The following SPG7 variants were observed in gnomAD, a reference collection of about 807,000 sequenced individuals.
SPG7 encodes the protein mitochondrial inner membrane m-AAA protease component paraplegin.
SPG7 carries 103 observed loss-of-function variants against 81.9 expected under a neutral mutation model. The ratio of observed to expected loss-of-function variants is 1.26; its 90% CI spans 1.07 to 1.48. The LOEUF (loss-of-function observed/expected upper bound fraction) is 1.48. SPG7 is among the 40% of genes most tolerant of loss of function. The probability of loss-of-function intolerance (pLI) is 0.00; values close to 1 mark genes in which losing one functional copy is unlikely to be tolerated. For synonymous variants in SPG7, 534 were observed against 444.2 expected (o/e 1.20, Z -2.54); for missense variants, 1,241 against 1,087.3 (o/e 1.14, Z -1.99).
intron 14 of SPG7, 101 bp from the exon 15 acceptor site, chr16:89,553,693 G>C: frequency 8.7e-7 from 1 of 1,155,612 alleles, no homozygotes; most frequent in Non-Finnish European, 1.3e-6. Flanking sequence ...GAAGGGGATG[G>C]AGGTGGTGCT....
At chr16:89,520,403 T>A (rs2058169561) in intron 3 of SPG7, 1 of 188,608 alleles carries the variant, frequency 5.3e-6, no homozygotes. Context: ...TTTGTTTGTT[T>A]GTTTGTTTTG....
chr16:89,556,814 G>A, intron 16 of SPG7, 73 bp from the exon 17 acceptor site: 1 of 1,250,378 alleles, frequency 8.0e-7, no homozygotes, highest in South Asian at 1.2e-5. Context: ...CACGCCTCTT[G>A]CCACCTCCCC....
intron 15 of SPG7, 98 bp from the exon 16 acceptor site, chr16:89,554,388 G>A: frequency 2.4e-6 from 2 of 819,358 alleles, no homozygotes; most frequent in South Asian, 1.4e-5. Context: ...TCCTGGGAGG[G>A]GAAAGGCCGT....
chr16:89,555,498 G>C (rs980758839), intron 16 of SPG7: 1 of 171,348 alleles, frequency 5.8e-6, no homozygotes, highest in Non-Finnish European at 1.2e-5. Context: ...AGCCCCCGCC[G>C]ACCCGCGGTG....
At chr16:89,542,273 CTG>C (rs1373745506) in intron 9 of SPG7, 1 of 152,266 alleles carries the variant, frequency 6.6e-6, no homozygotes, top group African/African-American at 2.4e-5. Flanking sequence ...CTCCACGACA[CTG>C]AGCAGTAAGC....
intron 2 of SPG7, among the ~76,000 whole-genome samples, chr16:89,511,166 CT>C (rs1459087437): frequency 6.6e-6 from 1 of 152,174 alleles, no homozygotes; most frequent in Non-Finnish European, 1.5e-5. Context: ...AAAAATTCTG[CT>C]GTATTCCAGT....
chr16:89,510,693 C>T (rs2058008288), intron 2 of SPG7, 101 bp downstream of exon 2: 2 of 765,828 alleles, frequency 2.6e-6, no homozygotes, highest in Non-Finnish European at 2.3e-6. Context: ...GGGATCTCGC[C>T]CTGTTGCACG....
At chr16:89,552,917 C>T in intron 13 of SPG7, 62 bp from the exon 14 acceptor site, 1 of 1,550,066 alleles carries the variant, frequency 6.5e-7, no homozygotes. Flanking sequence ...TAGTCCCACA[C>T]CTTCCTCCTC....
intron 4 of SPG7, among the ~76,000 whole-genome samples, chr16:89,525,386 A>G (rs1465798887): frequency 6.6e-6 from 1 of 152,216 alleles, no homozygotes; most frequent in Non-Finnish European, 1.5e-5. Flanking sequence ...TCAGTCTGGA[A>G]GGTTATTTTA....
chr16:89,510,636 T>A (rs771871720), intron 2 of SPG7, 44 bp downstream of exon 2: 1 of 1,211,420 alleles, frequency 8.3e-7, no homozygotes, highest in South Asian at 1.2e-5. Context: ...ACTGCACACT[T>A]ACCGCCTCAG....
At chr16:89,539,941 G>A (rs543841296) in intron 9 of SPG7, 4 of 152,312 alleles carry the variant, frequency 2.6e-5, no homozygotes, top group African/African-American at 9.6e-5. Context: ...ACGTCTACAT[G>A]AAGTGGGAGG....
chr16:89,522,556 G>A (rs569029691), intron 3 of SPG7: 45 of 152,376 alleles, frequency 3.0e-4, no homozygotes, highest in African/African-American at 1.0e-3. Context: ...CCCGCCGCTG[G>A]GTCCGTGGCG....
intron 9 of SPG7, chr16:89,541,588 G>A: frequency 6.5e-6 from 1 of 154,028 alleles, no homozygotes; most frequent in Non-Finnish European, 1.4e-5. Context: ...ACATAGGAGT[G>A]GGGGCATCTG....
rs545177317 is a variant in SPG7, at chr16:89,557,525, G to A, written c.*432G>A. Reference sequence around the variant, plus strand: ...AGGGGATCGGACATGAAAGGACCCTGTGAGCCGATTGTCCTATCTCCAGCG... The same window carrying A: ...AGGGGATCGGACATGAAAGGACCCTATGAGCCGATTGTCCTATCTCCAGCG... On this transcript the variant is annotated 3_prime_UTR_variant, in exon 17 of 17. Transcript: ENST00000645818. The A allele has an allele frequency of 1.7e-3, 380 of 225,738 alleles. 1 individual carries two copies. The Middle Eastern group carries it at 0.021, about 13-fold the overall frequency. The allele number at this position is 225,738 out of a possible 1,614,324, so 14.0% of individuals were successfully genotyped here. A position where few individuals can be genotyped will look rare whatever the true frequency, so the allele number is the denominator to read the frequency against.
chr16:89,550,770 C>G (rs939406177), intron 13 of SPG7, among the ~76,000 whole-genome samples, 161 bp downstream of exon 13: 1 of 152,140 alleles, frequency 6.6e-6, no homozygotes, highest in African/African-American at 2.4e-5. Context: ...CTGCCACTGT[C>G]ATGATCCATG....
At position 89,548,018 on chromosome 16, in the gene SPG7, A is replaced by G. The variant is rs974972989; in HGVS notation, c.1568A>G (p.Asn523Ser). ...GTGTTGACAGGGGCTGACATCGCCA[A>G]CATCTGCAATGAGGCTGCGCTGCAC... ...TPGFSGADIA[N>S]ICNEAALHAA... The change falls in exon 12 of 17, where the codon AAC (asparagine) becomes AGC (serine). Residue 523 changes from asparagine (N) to serine (S), a missense_variant. By Grantham distance (46) the Asn-to-Ser change is conservative. Coordinates refer to ENST00000645818, the MANE Select transcript of SPG7 (RefSeq NM_003119.4). 3 of 1,612,976 alleles carry G rather than the reference A, an allele frequency of 1.9e-6. No homozygotes were observed. The highest frequency in any genetic ancestry group is 4.5e-5 in the East Asian group (2 of 44,872).
chr16:89,552,691 CCT>C (rs2058648064), intron 13 of SPG7: 1 of 442,984 alleles, frequency 2.3e-6, no homozygotes, highest in African/African-American at 2.0e-5. Flanking sequence ...TTGTCCTTCG[CCT>C]CTCAGCTGTC....
At chr16:89,515,937 G>A (rs927928469) in intron 3 of SPG7, among the ~76,000 whole-genome samples, 12 of 151,520 alleles carry the variant, frequency 7.9e-5, no homozygotes, top group Non-Finnish European at 1.2e-4. Flanking sequence ...TCAAACTCCC[G>A]ATGTCAGGCG....
At chr16:89,556,194 T>C (rs2058686257) in intron 16 of SPG7, 3 of 398,908 alleles carry the variant, frequency 7.5e-6, no homozygotes, top group Non-Finnish European at 1.3e-5. Context: ...ACACCAGCCC[T>C]AGAGAGGAAG....
Sources: gnomAD v4.1 joint callset for allele counts (sites outside exome capture counted in the v4.1 genomes callset) on GRCh38, gnomAD v4.1.1 for gene constraint, MANE v1.5 for transcripts, NCBI Gene and HGNC (gene_info 2026-07-23, HGNC 2026-07-21) for gene names.